LMBRD1: variants seen among roughly 807,000 people sequenced by gnomAD.
LMBRD1 encodes the protein lysosomal cobalamin transport escort protein LMBD1.
LMBRD1 carries 64 observed loss-of-function variants against 74.8 expected under a neutral mutation model. That is an observed-to-expected ratio of 0.86 (90% CI 0.70 to 1.05). LMBRD1 has a LOEUF of 1.05. LMBRD1 is among the 50% of genes least tolerant of loss of function. The pLI, the probability that LMBRD1 is intolerant of heterozygous loss-of-function variation, is 0.00. For synonymous variants in LMBRD1, 204 were observed against 216.3 expected, an observed-to-expected ratio of 0.94 and a Z score of 0.50; for missense variants, 652 against 645.9, an observed-to-expected ratio of 1.01 and a Z score of -0.10.
intron 14 of LMBRD1, among the ~76,000 whole-genome samples, chr6:69,694,768 T>C (rs1361270300): frequency 6.6e-6 from 1 of 152,192 alleles, no homozygotes; most frequent in Non-Finnish European, 1.5e-5. Flanking sequence ...GGAGAAAAAT[T>C]ATACAAGTTG....
chr6:69,749,394 T>G lies in LMBRD1; in HGVS notation c.420A>C (p.Ala140=). 6.2e-7 allele frequency: 1 copy of G among 1,612,152 alleles called. No homozygotes were observed. The highest frequency in any genetic ancestry group is 8.5e-7 in the Non-Finnish European group (1 of 1,178,954). ...CAACAAATCCCAAAGTATACTTGAG[T>G]GCCGTTTTAATTTGCTAGATGCCAA... The part of the protein sequence containing the change: ...DTSKCTQIKT[A]LKYTLGFVVI... Residue 140 remains alanine (A), a synonymous_variant, in exon 5 of 16, where the codon GCA becomes GCC. Coordinates refer to ENST00000649934, the MANE Select transcript of LMBRD1 (RefSeq NM_018368.4).
chr6:69,763,762 G>A (rs1343311641), intron 3 of LMBRD1, among the ~76,000 whole-genome samples: 1 of 152,112 alleles, frequency 6.6e-6, no homozygotes, highest in Non-Finnish European at 1.5e-5. Flanking sequence ...GAAGGCATAG[G>A]GTCAAACCAA....
At chr6:69,743,272 A>AC (rs1191343832) in intron 5 of LMBRD1, among the ~76,000 whole-genome samples, 1 of 152,156 alleles carries the variant, frequency 6.6e-6, no homozygotes, top group Admixed American at 6.5e-5. Flanking sequence ...ACAAAATACC[A>AC]CCCATCATAC....
chr6:69,692,398 C>T (rs1765906208), intron 14 of LMBRD1, among the ~76,000 whole-genome samples: 1 of 151,890 alleles, frequency 6.6e-6, no homozygotes, highest in African/African-American at 2.4e-5. Context: ...ACTTTAATGT[C>T]CAAATAAGAC....
At chr6:69,727,655 G>A (rs1223834102) in intron 7 of LMBRD1, among the ~76,000 whole-genome samples, 1 of 152,134 alleles carries the variant, frequency 6.6e-6, no homozygotes, top group Admixed American at 6.5e-5. Context: ...TGCAATATAT[G>A]CATGTCAGAA....
chr6:69,714,216 T>C (rs1766445126), intron 8 of LMBRD1, among the ~76,000 whole-genome samples: 1 of 152,054 alleles, frequency 6.6e-6, no homozygotes, highest in Non-Finnish European at 1.5e-5. Flanking sequence ...GTGGTTATGT[T>C]ACCTGAACTG....
At chr6:69,789,779 C>A (rs1438644019) in intron 2 of LMBRD1, among the ~76,000 whole-genome samples, 1 of 152,106 alleles carries the variant, frequency 6.6e-6, no homozygotes, top group Admixed American at 6.5e-5. Context: ...AACTCAGAAA[C>A]CTTTAGTCCA....
chr6:69,796,356 G>A (rs760674856), intron 1 of LMBRD1, among the ~76,000 whole-genome samples: 1 of 152,124 alleles, frequency 6.6e-6, no homozygotes, highest in Non-Finnish European at 1.5e-5. Context: ...CCAAGGGTAG[G>A]GAAAATGAGG....
chr6:69,708,488 G>A (rs1315139832), intron 9 of LMBRD1, among the ~76,000 whole-genome samples: 1 of 152,104 alleles, frequency 6.6e-6, no homozygotes, highest in Non-Finnish European at 1.5e-5. Context: ...TGAGAAAAGT[G>A]AGGTTCAAAA....
At chr6:69,692,648 T>A (rs1168464452) in intron 14 of LMBRD1, among the ~76,000 whole-genome samples, 1 of 152,046 alleles carries the variant, frequency 6.6e-6, no homozygotes, top group Non-Finnish European at 1.5e-5. Context: ...AATATCCATA[T>A]GTTATTTTCT....
chr6:69,796,758 C>T (rs1057024953), intron 1 of LMBRD1, 55 bp downstream of exon 1: 1 of 1,552,478 alleles, frequency 6.4e-7, no homozygotes, highest in Non-Finnish European at 8.9e-7. Context: ...CAGGGCCTGC[C>T]CCTCCCTTCC....
At position 69,719,094 on chromosome 6, in the gene LMBRD1, C is replaced by A; in HGVS notation, c.637-13G>T. On this transcript the variant is annotated splice_polypyrimidine_tract_variant and intron_variant, in intron 7 of 15. Transcript: ENST00000649934. ...ACATGCCATAGGCCTAAAAGAAAAA[C>A]AATTGAAATGTTTTAGAAATAATGT... The A allele has an allele frequency of 6.2e-7, 1 of 1,610,116 alleles. No individual in the cohort carries two copies. Among genetic ancestry groups the A allele is most frequent in the Non-Finnish European group, 8.5e-7 (1 of 1,177,562 alleles).
chr6:69,738,187 G>A (rs1011445330), intron 6 of LMBRD1, among the ~76,000 whole-genome samples, 172 bp from the exon 7 acceptor site: 22 of 152,028 alleles, frequency 1.4e-4, no homozygotes, highest in African/African-American at 5.3e-4. Flanking sequence ...AGTTTCTAAA[G>A]GACTCTTTAA....
At chr6:69,704,447 C>T (rs940581041) in intron 9 of LMBRD1, among the ~76,000 whole-genome samples, 1 of 152,018 alleles carries the variant, frequency 6.6e-6, no homozygotes, top group African/African-American at 2.4e-5. Flanking sequence ...TAGTTATCAT[C>T]TGTTATTATC....
At chr6:69,785,609 C>T (rs1199810710) in intron 2 of LMBRD1, among the ~76,000 whole-genome samples, 5 of 152,190 alleles carry the variant, frequency 3.3e-5, no homozygotes. Flanking sequence ...ACCTGTCCCC[C>T]TATATCTAAT....
At chr6:69,755,009 G>C (rs752271069) in intron 3 of LMBRD1, among the ~76,000 whole-genome samples, 1 of 152,176 alleles carries the variant, frequency 6.6e-6, no homozygotes, top group Non-Finnish European at 1.5e-5. Flanking sequence ...AACCATTGTG[G>C]AAGACAGTGT....
intron 4 of LMBRD1, 116 bp downstream of exon 4, chr6:69,752,143 T>C (rs1191616640): frequency 1.9e-5 from 17 of 917,866 alleles, no homozygotes; most frequent in Non-Finnish European, 2.6e-5. Flanking sequence ...TTAGCTAACA[T>C]TGTATTTCTA....
chr6:69,719,079 G>A lies in LMBRD1; in HGVS notation c.639C>T (p.Ala213=), dbSNP rs1181531198. Residue 213 remains alanine (A), a splice_region_variant and synonymous_variant, in exon 8 of 16, where the codon GCC becomes GCT. Transcript: ENST00000649934. ...TTAAAGGTAACGCAGACATGCCATA[G>A]GCCTAAAAGAAAAACAATTGAAATG... is the stretch of plus-strand genomic sequence containing the variant. ...IGMLAAITYT[A]YGMSALPLNL... is the part of the protein sequence containing the mutation. The A allele has an allele frequency of 5.0e-6, 8 of 1,611,910 alleles. No homozygotes were observed. The highest frequency in any genetic ancestry group is 1.1e-5 in the South Asian group (1 of 91,028).
At chr6:69,722,703 C>T (rs1766642480) in intron 7 of LMBRD1, among the ~76,000 whole-genome samples, 1 of 151,986 alleles carries the variant, frequency 6.6e-6, no homozygotes, top group Non-Finnish European at 1.5e-5. Context: ...TACTTAAAAA[C>T]ATAAAGGCAA....
Sources: allele counts gnomAD v4.1 joint callset (sites outside exome capture counted in the v4.1 genomes callset), GRCh38; gene constraint gnomAD v4.1.1; transcripts MANE v1.5; gene names NCBI Gene and HGNC (gene_info 2026-07-23, HGNC 2026-07-21).